Variants in CDH13 observed in about 807,000 individuals in gnomAD.
CDH13 encodes cadherin-13.
A neutral mutation model predicts 63.8 loss-of-function variants in CDH13; 24 were observed. That is an observed-to-expected ratio of 0.38 (90% confidence interval 0.27 to 0.53). The LOEUF is 0.53. CDH13 is among the 20% of genes least tolerant of loss of function. CDH13 has a pLI of 0.85. For synonymous variants in CDH13, 503 were observed against 355.3 expected (o/e 1.42, Z -4.67); for missense variants, 1,049 against 903.1 (o/e 1.16, Z -2.07).
intron 7 of CDH13, among the ~76,000 whole-genome samples, chr16:83,512,341 T>TAAATA (rs2074589978): frequency 2.2e-5 from 3 of 139,212 alleles, no homozygotes; most frequent in Non-Finnish European, 4.6e-5. Flanking sequence ...AATAAATAAA[T>TAAATA]AAATAAATAA....
chr16:82,799,772 A>G (rs1289931051), intron 1 of CDH13, among the ~76,000 whole-genome samples: 1 of 152,034 alleles, frequency 6.6e-6, no homozygotes, highest in South Asian at 2.1e-4. Flanking sequence ...CAATGTGGCT[A>G]TGGAATTTGA....
At chr16:83,286,444 G>T (rs1330159991) in intron 5 of CDH13, among the ~76,000 whole-genome samples, 1 of 152,022 alleles carries the variant, frequency 6.6e-6, no homozygotes, top group Admixed American at 6.6e-5. Context: ...TACAAATTTG[G>T]GTGATAGAAG....
chr16:83,565,346 C>G (rs1051971941), intron 7 of CDH13, among the ~76,000 whole-genome samples: 2 of 151,098 alleles, frequency 1.3e-5, no homozygotes, highest in African/African-American at 4.9e-5. Flanking sequence ...ACCCTGACCT[C>G]ACATGCCCTT....
chr16:83,199,703 C>T (rs1177669955), intron 4 of CDH13, among the ~76,000 whole-genome samples: 1 of 152,142 alleles, frequency 6.6e-6, no homozygotes, highest in African/African-American at 2.4e-5. Flanking sequence ...GTGTCGTTAA[C>T]ATTTATTGAG....
intron 2 of CDH13, among the ~76,000 whole-genome samples, chr16:82,933,766 G>A (rs527989980): frequency 1.3e-5 from 2 of 152,296 alleles, no homozygotes; most frequent in East Asian, 3.9e-4. Context: ...AAACATAGGG[G>A]CTACAGGATC....
At chr16:83,573,802 A>G (rs776412529) in intron 7 of CDH13, among the ~76,000 whole-genome samples, 2 of 152,172 alleles carry the variant, frequency 1.3e-5, no homozygotes, top group Admixed American at 6.5e-5. Context: ...TCTCTGTCAA[A>G]TCACTACACT....
chr16:83,148,519 T>TA (rs1217221059), intron 4 of CDH13, among the ~76,000 whole-genome samples: 1 of 152,220 alleles, frequency 6.6e-6, no homozygotes, highest in Admixed American at 6.5e-5. Flanking sequence ...TCAATGTACG[T>TA]AATGCCTCTG....
chr16:83,229,717 C>G (rs571705432), intron 5 of CDH13, among the ~76,000 whole-genome samples: 40 of 152,196 alleles, frequency 2.6e-4, no homozygotes, highest in Non-Finnish European at 5.1e-4. Flanking sequence ...ATAATAGGCT[C>G]CTTTAAGTAA....
intron 3 of CDH13, among the ~76,000 whole-genome samples, chr16:83,103,392 C>T (rs1284716459): frequency 5.6e-5 from 8 of 143,058 alleles, no homozygotes; most frequent in Admixed American, 1.4e-4. Context: ...ACTACAGGCA[C>T]GTGCCACCAC....
chr16:82,729,407 GA>G (rs1370302769), intron 1 of CDH13, among the ~76,000 whole-genome samples: 1 of 152,096 alleles, frequency 6.6e-6, no homozygotes, highest in Non-Finnish European at 1.5e-5. Context: ...TAACAGGCAT[GA>G]AAAAACTAGT....
intron 6 of CDH13, among the ~76,000 whole-genome samples, chr16:83,426,118 C>T (rs527410500): frequency 7.9e-4 from 120 of 152,136 alleles, no homozygotes; most frequent in African/African-American, 2.7e-3. Flanking sequence ...TTGGAAGAAC[C>T]TTTCTTCTTT....
At chr16:83,217,774 A>T (rs188252939) in intron 5 of CDH13, among the ~76,000 whole-genome samples, 1 of 152,152 alleles carries the variant, frequency 6.6e-6, no homozygotes, top group East Asian at 1.9e-4. Context: ...GGAGGTCAGA[A>T]CCCTTAGGGC....
chr16:83,470,846 CT>C (rs2073434907), intron 6 of CDH13, among the ~76,000 whole-genome samples: 1 of 152,124 alleles, frequency 6.6e-6, no homozygotes, highest in Admixed American at 6.5e-5. Flanking sequence ...GCAAATTTAT[CT>C]TTTTACACTT....
chr16:82,700,446 G>A (rs2030844914), intron 1 of CDH13, among the ~76,000 whole-genome samples: 1 of 152,018 alleles, frequency 6.6e-6, no homozygotes, highest in South Asian at 2.1e-4. Flanking sequence ...GTACATAAGT[G>A]GACATTAGCT....
intron 7 of CDH13, among the ~76,000 whole-genome samples, chr16:83,598,078 G>T (rs1399078500): frequency 6.6e-6 from 1 of 152,166 alleles, no homozygotes; most frequent in Admixed American, 6.5e-5. Flanking sequence ...GTTAAAGAAA[G>T]AATTAGACCA....
At chr16:83,487,860 A>C (rs2073926594) in intron 7 of CDH13, among the ~76,000 whole-genome samples, 1 of 152,134 alleles carries the variant, frequency 6.6e-6, no homozygotes, top group Non-Finnish European at 1.5e-5. Flanking sequence ...TATGTGCTAT[A>C]GTTTCTCAAG....
At chr16:83,528,250 C>G (rs1203719008) in intron 7 of CDH13, among the ~76,000 whole-genome samples, 2 of 152,240 alleles carry the variant, frequency 1.3e-5, no homozygotes, top group East Asian at 3.8e-4. Flanking sequence ...AACACTATAA[C>G]TGGCTATTTG....
intron 1 of CDH13, among the ~76,000 whole-genome samples, chr16:82,705,647 T>C (rs1382780721): frequency 6.6e-6 from 1 of 152,212 alleles, no homozygotes; most frequent in Non-Finnish European, 1.5e-5. Context: ...CGCCTGCTTC[T>C]TTCTTGCCAG....
intron 3 of CDH13, among the ~76,000 whole-genome samples, chr16:83,058,428 G>T (rs4238724): frequency 3.3e-5 from 5 of 151,996 alleles, no homozygotes; most frequent in Non-Finnish European, 2.9e-5. Flanking sequence ...CAACATGGGG[G>T]TACCAAATAA....
Sources: allele counts gnomAD v4.1 joint callset (sites outside exome capture counted in the v4.1 genomes callset), GRCh38; gene constraint gnomAD v4.1.1; transcripts MANE v1.5; gene names NCBI Gene and HGNC (gene_info 2026-07-23, HGNC 2026-07-21).